The following STIM1 variants were observed in gnomAD, a reference collection of about 807,000 sequenced individuals.
STIM1 encodes the protein stromal interaction molecule 1.
Under a neutral mutation model 74.7 loss-of-function variants are expected in STIM1, and 25 were observed. The observed-to-expected ratio is 0.33, with a 90% CI of 0.24 to 0.47. STIM1 has a LOEUF of 0.47. Among genes scored for constraint, STIM1 ranks in the 20% least tolerant of loss-of-function variants. The probability of loss-of-function intolerance (pLI) is 1.00; values close to 1 mark genes in which losing one functional copy is unlikely to be tolerated. For synonymous variants in STIM1, 328 were observed against 348.8 expected, an observed-to-expected ratio of 0.94 and a Z score of 0.66; for missense variants, 728 against 920.8, an observed-to-expected ratio of 0.79 and a Z score of 2.71.
rs1171827581 is a variant in STIM1 at position 3,927,728 on chromosome 11, T to G, written c.140-39824T>G. ...TGGAAGCAGAGGCATCCTGATCAGA[T>G]TAGTTCTGCTACTTAGTTTTAGGCG... On this transcript the variant is annotated intron_variant, in intron 1 of 12. Transcript: ENST00000526596. Among the ~76,000 whole-genome samples, 9 of 152,172 alleles carry G rather than the reference T, an allele frequency of 5.9e-5. No homozygotes were observed. In the East Asian group the frequency reaches 1.5e-3, roughly 26 times the overall value.
chr11:3,914,164 T>C (rs558400244), intron 1 of STIM1, among the ~76,000 whole-genome samples: 68 of 152,190 alleles, frequency 4.5e-4, no homozygotes, highest in Non-Finnish European at 9.3e-4. Context: ...TAACTTCCAG[T>C]CTACTTTTTG....
At chr11:3,974,211 T>A (rs1220958257) in intron 2 of STIM1, 1 of 476,418 alleles carries the variant, frequency 2.1e-6, no homozygotes, top group Non-Finnish European at 3.8e-6. Context: ...CTGTTGGGAC[T>A]ACTTAAGAGA....
intron 1 of STIM1, among the ~76,000 whole-genome samples, chr11:3,918,004 C>G (rs930303858): frequency 8.5e-5 from 13 of 152,060 alleles, no homozygotes; most frequent in African/African-American, 3.1e-4. Context: ...CAGACTTAAC[C>G]AAGAGAGGGA....
At chr11:4,000,323 G>T (rs1410472825) in intron 2 of STIM1, among the ~76,000 whole-genome samples, 1 of 151,174 alleles carries the variant, frequency 6.6e-6, no homozygotes, top group Non-Finnish European at 1.5e-5. Flanking sequence ...CAGCCTAACT[G>T]GGAGGCACCC....
chr11:4,042,099 G>T (rs977582886), intron 3 of STIM1, among the ~76,000 whole-genome samples: 1 of 152,240 alleles, frequency 6.6e-6, no homozygotes, highest in Non-Finnish European at 1.5e-5. Context: ...AAGAGATACT[G>T]ATTCGGGAAT....
At chr11:4,078,875 C>T (rs907960755) in intron 7 of STIM1, among the ~76,000 whole-genome samples, 2 of 151,692 alleles carry the variant, frequency 1.3e-5, no homozygotes, top group Admixed American at 1.3e-4. Context: ...TTAGCGAGGA[C>T]CCTTTACTCT....
At chr11:3,956,959 C>G (rs1212705713) in intron 1 of STIM1, among the ~76,000 whole-genome samples, 1 of 151,842 alleles carries the variant, frequency 6.6e-6, no homozygotes, top group Non-Finnish European at 1.5e-5. Flanking sequence ...CTGTACGAGT[C>G]CCTTGGGATA....
At chr11:3,960,887 A>AT in intron 1 of STIM1, among the ~76,000 whole-genome samples, 1 of 152,154 alleles carries the variant, frequency 6.6e-6, no homozygotes, top group East Asian at 1.9e-4. Context: ...GAAAACAATT[A>AT]TTTTCCATAA....
chr11:3,875,553 C>A lies in STIM1; in HGVS notation c.139+19144C>A, dbSNP rs1006265157. Among the ~76,000 whole-genome samples, 20 of 152,018 alleles carry A rather than the reference C, an allele frequency of 1.3e-4. 1 individual carries two copies. The highest frequency in any genetic ancestry group is 4.8e-4 in the African/African-American group (20 of 41,472). On this transcript the variant is annotated intron_variant, in intron 1 of 12. Transcript: ENST00000526596. ...CCAGCCTGGGCAACATGGTGAAACC[C>A]TGTCTCTACAAAAAATACAAAAAAT...
intron 1 of STIM1, among the ~76,000 whole-genome samples, chr11:3,912,529 T>A (rs2092581834): frequency 6.6e-6 from 1 of 151,864 alleles, no homozygotes; most frequent in African/African-American, 2.4e-5. Flanking sequence ...GATGTCCAAC[T>A]AATTTTTTGT....
intron 5 of STIM1, among the ~76,000 whole-genome samples, chr11:4,062,275 G>A (rs898172127): frequency 6.6e-6 from 1 of 152,194 alleles, no homozygotes; most frequent in African/African-American, 2.4e-5. Context: ...CCACAAAGTG[G>A]AGAAAGTATT....
chr11:3,927,056 C>G (rs1414296282), intron 1 of STIM1, among the ~76,000 whole-genome samples: 1 of 152,134 alleles, frequency 6.6e-6, no homozygotes, highest in Non-Finnish European at 1.5e-5. Flanking sequence ...ATTAGTTAAT[C>G]CATATTAAGT....
chr11:4,066,198 A>G (rs972001573), intron 5 of STIM1, among the ~76,000 whole-genome samples: 1 of 152,130 alleles, frequency 6.6e-6, no homozygotes, highest in Non-Finnish European at 1.5e-5. Flanking sequence ...AGCTCTGTTC[A>G]CCTAGCCAGC....
intron 2 of STIM1, among the ~76,000 whole-genome samples, chr11:3,977,419 T>G (rs1447404339): frequency 6.6e-6 from 1 of 152,210 alleles, no homozygotes; most frequent in Non-Finnish European, 1.5e-5. Flanking sequence ...AACACAGGGT[T>G]ATGAGCTTAT....
chr11:3,972,874 T>C (rs1474122551), intron 2 of STIM1: 14 of 489,718 alleles, frequency 2.9e-5, no homozygotes, highest in Middle Eastern at 7.1e-4. Context: ...TTGGCCAGTA[T>C]AGAATCCAGA....
chr11:3,973,587 A>G (rs139788300), intron 2 of STIM1, among the ~76,000 whole-genome samples: 3 of 151,970 alleles, frequency 2.0e-5, no homozygotes, highest in African/African-American at 7.2e-5. Context: ...TTTTGTAGAG[A>G]TGAGGTCTTG....
intron 2 of STIM1, among the ~76,000 whole-genome samples, chr11:3,981,001 T>C (rs2093498918): frequency 6.6e-6 from 1 of 152,164 alleles, no homozygotes; most frequent in Admixed American, 6.5e-5. Flanking sequence ...CCAAGAAATA[T>C]ATATATATTT....
chr11:3,935,955 C>T (rs913129596), intron 1 of STIM1, among the ~76,000 whole-genome samples: 9 of 152,210 alleles, frequency 5.9e-5, no homozygotes, highest in Non-Finnish European at 1.5e-5. Context: ...TTTTAATCTT[C>T]ACAATCATCC....
chr11:4,083,586 A>T lies in STIM1; in HGVS notation c.1474+88A>T, dbSNP rs1000972902. 4.7e-5 allele frequency: 58 copies of T among 1,224,748 alleles called. No individual in the cohort carries two copies. The Middle Eastern group carries it at 5.9e-4, about 12-fold the overall frequency. The allele number at this position is 1,224,748 out of a possible 1,614,324, so 75.9% of individuals were successfully genotyped here. A position where few individuals can be genotyped will look rare whatever the true frequency, so the allele number is the denominator to read the frequency against. On this transcript the variant is annotated intron_variant, in intron 10 of 12. Coordinates refer to ENST00000526596, the MANE Select transcript of STIM1 (RefSeq NM_001382567.1). The stretch of plus-strand genomic sequence containing the variant: ...GGCCTCTGTTGTGCTTAAACAGCAG[A>T]TGGGGCAGATACCCAGGAAGATAGT...
Sources: allele counts gnomAD v4.1 joint callset (sites outside exome capture counted in the v4.1 genomes callset), GRCh38; gene constraint gnomAD v4.1.1; transcripts MANE v1.5; gene names NCBI Gene and HGNC (gene_info 2026-07-23, HGNC 2026-07-21).